Variants in CDKAL1 observed in about 807,000 individuals in gnomAD.
The protein encoded by CDKAL1 is threonylcarbamoyladenosine tRNA methylthiotransferase.
A neutral mutation model predicts 68.2 loss-of-function variants in CDKAL1; 32 were observed. That is an observed-to-expected ratio of 0.47 (90% CI 0.35 to 0.63). CDKAL1 has a LOEUF of 0.63. Among genes scored for constraint, CDKAL1 ranks in the 30% least tolerant of loss-of-function variants. CDKAL1 has a pLI of 0.00. For synonymous variants in CDKAL1, 234 were observed against 244.3 expected, an observed-to-expected ratio of 0.96 and a Z score of 0.39; for missense variants, 606 against 696.7, an observed-to-expected ratio of 0.87 and a Z score of 1.47.
intron 8 of CDKAL1, among the ~76,000 whole-genome samples, chr6:20,834,333 T>G (rs1473760090): frequency 6.6e-6 from 1 of 152,206 alleles, no homozygotes; most frequent in Non-Finnish European, 1.5e-5. Flanking sequence ...AATGAACTGT[T>G]TTGTCTTTGT....
At chr6:21,123,182 G>A (rs1034924869) in intron 13 of CDKAL1, among the ~76,000 whole-genome samples, 3 of 152,128 alleles carry the variant, frequency 2.0e-5, no homozygotes, top group South Asian at 2.1e-4. Context: ...GGCTGGGCAC[G>A]GCATTGGGAT....
chr6:20,544,467 G>A (rs1341006105), intron 2 of CDKAL1, among the ~76,000 whole-genome samples: 13 of 151,464 alleles, frequency 8.6e-5, no homozygotes, highest in African/African-American at 2.7e-4. Flanking sequence ...ATGGTGGCGC[G>A]CGCCTGTAGT....
chr6:21,034,870 C>T (rs1256718144), intron 11 of CDKAL1, among the ~76,000 whole-genome samples: 1 of 152,136 alleles, frequency 6.6e-6, no homozygotes, highest in African/African-American at 2.4e-5. Context: ...TTGACATTTT[C>T]CCTTTCTAAA....
In CDKAL1 at chr6:20,846,195, T is replaced by A; in HGVS notation, c.742+17T>A. On this transcript the variant is annotated intron_variant, in intron 9 of 15. Transcript: ENST00000274695. ...CTTTTCAAGGTAAGAGTTTCTAGAA[T>A]TATATGTGAAATTAGTCTTCTTAAT... 1 of 1,454,944 alleles carries A rather than the reference T, an allele frequency of 6.9e-7. No individual in the cohort carries two copies. Among genetic ancestry groups the A allele is most frequent in the Non-Finnish European group, 9.6e-7 (1 of 1,040,702 alleles). 90.1% of individuals were successfully genotyped at this position (1,454,944 alleles called of 1,614,324 possible). A position where few individuals can be genotyped will look rare whatever the true frequency, so the allele number is the denominator to read the frequency against.
At chr6:20,627,956 A>C (rs1489095495) in intron 4 of CDKAL1, among the ~76,000 whole-genome samples, 2 of 152,154 alleles carry the variant, frequency 1.3e-5, no homozygotes, top group Admixed American at 6.6e-5. Context: ...ACCTTGCAGA[A>C]GTCACTTTAT....
At chr6:20,814,245 A>T (rs1245475879) in intron 8 of CDKAL1, among the ~76,000 whole-genome samples, 2 of 151,968 alleles carry the variant, frequency 1.3e-5, no homozygotes, top group Non-Finnish European at 2.9e-5. Flanking sequence ...ATAAAAATAA[A>T]ATTTTTTTTT....
At chr6:20,805,412 T>C (rs1776531640) in intron 8 of CDKAL1, among the ~76,000 whole-genome samples, 1 of 152,222 alleles carries the variant, frequency 6.6e-6, no homozygotes, top group Non-Finnish European at 1.5e-5. Flanking sequence ...TTTCAGTGGA[T>C]GTATATCACT....
chr6:21,079,839 C>T (rs1772280715), intron 12 of CDKAL1, among the ~76,000 whole-genome samples: 1 of 152,180 alleles, frequency 6.6e-6, no homozygotes, highest in Admixed American at 6.5e-5. Flanking sequence ...CCTATCTTTT[C>T]CCCTACTTGA....
At chr6:21,115,755 C>T (rs774988216) in intron 13 of CDKAL1, among the ~76,000 whole-genome samples, 3 of 152,166 alleles carry the variant, frequency 2.0e-5, no homozygotes, top group Non-Finnish European at 4.4e-5. Flanking sequence ...AAGTCAGTAC[C>T]TCAATAAGTG....
chr6:20,910,770 G>T (rs545655764), intron 9 of CDKAL1, among the ~76,000 whole-genome samples: 1 of 152,322 alleles, frequency 6.6e-6, no homozygotes, highest in South Asian at 2.1e-4. Context: ...AAGTCATTTA[G>T]GGTAGGCTCT....
Position 20,739,546 on chromosome 6 carries a change from C to T in CDKAL1, c.399C>T (p.Ile133=), listed in dbSNP as rs770614347. 1.4e-5 allele frequency: 23 copies of T among 1,611,992 alleles called. No homozygotes were observed. Among genetic ancestry groups the T allele is most frequent in the South Asian group, 9.9e-5 (9 of 90,872 alleles). ...IKKAQEENKK[I]VLAGCVPQAQ... ...AAGCTCAAGAGGAGAACAAGAAAAT[C>T]GTACTGGCTGGATGCGTTCCTCAAG... The change falls in exon 6 of 16, where the codon ATC becomes ATT. Residue 133 remains isoleucine, a synonymous_variant. Transcript: ENST00000274695.
chr6:20,630,906 T>A (rs1239990689), intron 4 of CDKAL1, among the ~76,000 whole-genome samples: 1 of 152,234 alleles, frequency 6.6e-6, no homozygotes, highest in Non-Finnish European at 1.5e-5. Context: ...GATGAGATAA[T>A]GCATTTGAAA....
chr6:20,581,510 T>A (rs1355420179), intron 4 of CDKAL1, among the ~76,000 whole-genome samples: 1 of 152,182 alleles, frequency 6.6e-6, no homozygotes, highest in Non-Finnish European at 1.5e-5. Flanking sequence ...TGAAGAAAAA[T>A]TTTATATGCT....
At chr6:20,733,057 C>T (rs1397170537) in intron 5 of CDKAL1, among the ~76,000 whole-genome samples, 2 of 152,192 alleles carry the variant, frequency 1.3e-5, no homozygotes, top group Non-Finnish European at 2.9e-5. Context: ...GTCTCAGCTG[C>T]CCAGCCGCCC....
intron 2 of CDKAL1, among the ~76,000 whole-genome samples, chr6:20,538,070 T>TA (rs770845108): frequency 2.0e-5 from 3 of 152,196 alleles, no homozygotes; most frequent in African/African-American, 4.8e-5. Context: ...AGGATATACA[T>TA]ATGTTTGGTA....
intron 12 of CDKAL1, among the ~76,000 whole-genome samples, chr6:21,101,738 C>T (rs1206087676): frequency 6.6e-6 from 1 of 152,126 alleles, no homozygotes; most frequent in African/African-American, 2.4e-5. Flanking sequence ...CAAAACCAGT[C>T]TCAGTCTCTA....
intron 6 of CDKAL1, among the ~76,000 whole-genome samples, chr6:20,746,106 G>A (rs377070432): frequency 1.1e-4 from 17 of 152,138 alleles, no homozygotes; most frequent in Middle Eastern, 3.4e-3. Context: ...AAGTTTAATC[G>A]GTATTTTAGT....
chr6:21,119,803 A>G (rs1180069209), intron 13 of CDKAL1, among the ~76,000 whole-genome samples: 6 of 151,888 alleles, frequency 4.0e-5, no homozygotes, highest in East Asian at 1.9e-4. Context: ...TTTCCCTTCT[A>G]TTGGAGACAG....
chr6:21,057,528 A>G (rs55655804), intron 11 of CDKAL1, among the ~76,000 whole-genome samples: 28,803 of 144,510 alleles, frequency 0.2, 2,858 homozygotes, highest in Middle Eastern at 0.26. Context: ...CTTCAGTTCC[A>G]CTCTGAGCTT....
Sources: allele counts gnomAD v4.1 joint callset (sites outside exome capture counted in the v4.1 genomes callset), GRCh38; gene constraint gnomAD v4.1.1; transcripts MANE v1.5; gene names NCBI Gene and HGNC (gene_info 2026-07-23, HGNC 2026-07-21).